MAP2K3: variants seen among roughly 807,000 people sequenced by gnomAD.
The protein encoded by MAP2K3 is dual specificity mitogen-activated protein kinase kinase 3.
MAP2K3 carries 30 observed loss-of-function variants against 46.4 expected under a neutral mutation model. The ratio of observed to expected loss-of-function variants is 0.65; its 90% CI spans 0.48 to 0.88. The LOEUF is 0.88. MAP2K3 is among the 40% of genes least tolerant of loss of function. MAP2K3 has a pLI of 0.00. For synonymous variants in MAP2K3, 189 were observed against 176.3 expected, an observed-to-expected ratio of 1.07 and a Z score of -0.57; for missense variants, 380 against 464.5, an observed-to-expected ratio of 0.82 and a Z score of 1.67.
intron 2 of MAP2K3, 98 bp from the exon 3 acceptor site, chr17:21,298,780 C>A: frequency 1.3e-6 from 2 of 1,578,526 alleles, no homozygotes; most frequent in Non-Finnish European, 1.7e-6. Context: ...CAGGAGGCAC[C>A]TCGTCCCCAC....
intron 6 of MAP2K3, among the ~76,000 whole-genome samples, 199 bp downstream of exon 6, chr17:21,302,458 C>CGCTCCTGGG (rs1976662067): frequency 6.6e-6 from 1 of 152,292 alleles, no homozygotes; most frequent in South Asian, 2.1e-4. Context: ...AGGAGACCTC[C>CGCTCCTGGG]GCTCCTGGGG....
intron 6 of MAP2K3, among the ~76,000 whole-genome samples, 174 bp downstream of exon 6, chr17:21,302,433 A>G (rs924962855): frequency 2.0e-5 from 3 of 152,310 alleles, no homozygotes; most frequent in Admixed American, 6.5e-5. Context: ...ACCCCAGACC[A>G]GAGCCTTTGT....
At chr17:21,303,075 G>C (rs1488147327) in intron 6 of MAP2K3, 108 bp from the exon 7 acceptor site, 5 of 1,439,422 alleles carry the variant, frequency 3.5e-6, no homozygotes, top group Non-Finnish European at 3.8e-6. Context: ...CTGTGCAGCG[G>C]GAGCGGGAGA....
Position 21,314,268 on chromosome 17 carries a change from C to T in MAP2K3, c.*38C>T, listed in dbSNP as rs1337788452. The T allele has an allele frequency of 6.4e-7, 1 of 1,552,002 alleles. No individual in the cohort carries two copies. The highest frequency in any genetic ancestry group is 2.2e-5 in the East Asian group (1 of 44,580). On this transcript the variant is annotated 3_prime_UTR_variant, in exon 12 of 12. Transcript: ENST00000342679. ...GGACCCCACTCCGGCCCTCCAGAGC[C>T]CCACAGCCCCATCTGCGGGGGCAGT... is the stretch of plus-strand genomic sequence containing the variant.
chr17:21,286,286 T>A (rs1466314), intron 1 of MAP2K3, among the ~76,000 whole-genome samples: 249 of 152,244 alleles, frequency 1.6e-3, no homozygotes, highest in African/African-American at 5.8e-3. Context: ...AAGTGCAGCC[T>A]CAGAGTGAGC....
intron 9 of MAP2K3, among the ~76,000 whole-genome samples, chr17:21,309,416 G>A (rs1269432462): frequency 7.7e-6 from 1 of 129,558 alleles, no homozygotes; most frequent in African/African-American, 2.9e-5. Context: ...TCTTTCACAA[G>A]TTACAAACGT....
intron 1 of MAP2K3, among the ~76,000 whole-genome samples, chr17:21,292,334 T>C (rs1273312874): frequency 2.0e-5 from 3 of 152,310 alleles, no homozygotes; most frequent in Admixed American, 2.0e-4. Flanking sequence ...GGCAGTCTCT[T>C]GTTTCTCCTC....
chr17:21,295,082 A>C (rs1475171952), intron 1 of MAP2K3, among the ~76,000 whole-genome samples: 1 of 152,310 alleles, frequency 6.6e-6, no homozygotes, highest in Non-Finnish European at 1.5e-5. Context: ...GTGAAAGGCA[A>C]GACGACGTAG....
At chr17:21,307,843 A>G (rs1976969922) in intron 9 of MAP2K3, among the ~76,000 whole-genome samples, 3 of 81,476 alleles carry the variant, frequency 3.7e-5, no homozygotes, top group African/African-American at 1.4e-4. Context: ...ATGCCCGGCT[A>G]TCTTTTTTTT....
Position 21,300,602 on chromosome 17 carries a change from T to C in MAP2K3, c.223T>C (p.Tyr75His). The change falls in exon 4 of 12, where the codon TAT (tyrosine) becomes CAT (histidine). Residue 75 changes from tyrosine to histidine, a missense_variant. Coordinates refer to ENST00000342679, the MANE Select transcript of MAP2K3 (RefSeq NM_145109.3). The part of the protein sequence containing the change: ...VTISELGRGA[Y>H]GVVEKVRHAQ... ...CATCTCAGAACTGGGCCGTGGAGCC[T>C]ATGGGGTGGTAGAGAAGGTGCGGCA... 6.2e-7 allele frequency: 1 copy of C among 1,613,162 alleles called. No homozygotes were observed. The highest frequency in any genetic ancestry group is 8.5e-7 in the Non-Finnish European group (1 of 1,179,628).
At position 21,298,751 on chromosome 17, in the gene MAP2K3, G is replaced by T. The variant is rs77850849; in HGVS notation, c.117-127G>T. On this transcript the variant is annotated intron_variant, in intron 2 of 11. Coordinates refer to ENST00000342679, the MANE Select transcript of MAP2K3 (RefSeq NM_145109.3). ...CAGCAGCCAGTGAGAGGAGGTGGCCGGAGAAGGCGCCTCCGGGGCAGGAGG... is the reference window on the plus strand; with the variant it reads ...CAGCAGCCAGTGAGAGGAGGTGGCCTGAGAAGGCGCCTCCGGGGCAGGAGG... The T allele has an allele frequency of 8.1e-6, 11 of 1,362,194 alleles. No homozygotes were observed. In the East Asian group the frequency reaches 9.7e-5, roughly 12 times the overall value. The allele number at this position is 1,362,194 out of a possible 1,614,324, so 84.4% of individuals were successfully genotyped here. A position where few individuals can be genotyped will look rare whatever the true frequency, so the allele number is the denominator to read the frequency against.
intron 1 of MAP2K3, chr17:21,291,569 C>A: frequency 6.6e-6 from 3 of 456,530 alleles, no homozygotes; most frequent in Non-Finnish European, 1.3e-5. Context: ...TCTTCTGATG[C>A]TCTGGGAGGG....
intron 1 of MAP2K3, among the ~76,000 whole-genome samples, chr17:21,292,089 C>T (rs905271386): frequency 2.0e-5 from 3 of 152,428 alleles, no homozygotes; most frequent in Admixed American, 6.5e-5. Context: ...TCACCTCAGG[C>T]GTGTCCTGGG....
At chr17:21,314,063 T>G in intron 11 of MAP2K3, 84 bp from the exon 12 acceptor site, 5 of 1,075,038 alleles carry the variant, frequency 4.7e-6, no homozygotes, top group Non-Finnish European at 7.2e-6. Flanking sequence ...AGGAGAACAC[T>G]TGGGCTGGAG....
intron 1 of MAP2K3, among the ~76,000 whole-genome samples, chr17:21,291,937 A>G (rs1458124525): frequency 6.6e-6 from 1 of 152,312 alleles, no homozygotes; most frequent in African/African-American, 2.4e-5. Context: ...AAAGGAGGAA[A>G]CCGAGGCTTG....
intron 7 of MAP2K3, among the ~76,000 whole-genome samples, chr17:21,303,451 G>C (rs1309564586): frequency 6.6e-6 from 1 of 152,312 alleles, no homozygotes; most frequent in Non-Finnish European, 1.5e-5. Flanking sequence ...CTTCTGTCCT[G>C]AGAAAGGTGG....
chr17:21,293,867 C>G lies in MAP2K3; in HGVS notation c.50-4546C>G, dbSNP rs958621613. Among the ~76,000 whole-genome samples the G allele has an allele frequency of 2.0e-5, 3 of 152,422 alleles. No individual in the cohort carries two copies. The South Asian group carries it at 6.2e-4, about 32-fold the overall frequency. ...TAGATGGGAGAACCTTCCCCTTGTC[C>G]TGCATCCTCTCCAGAGCCCAGGACA... On this transcript the variant is annotated intron_variant, in intron 1 of 11. Transcript: ENST00000342679.
rs55767533 is a variant in MAP2K3 at position 21,284,787 on chromosome 17, C to T, written c.-134C>T. 35,081 of 1,029,260 alleles carry T rather than the reference C, an allele frequency of 0.034. 734 individuals are homozygous for T. The highest frequency in any genetic ancestry group is 0.065 in the Middle Eastern group (211 of 3,246). The allele number at this position is 1,029,260 out of a possible 1,614,324, so 63.8% of individuals were successfully genotyped here. ...CCGCAGTCCTCGCCGCAGTCGCCGCCGCCGCCGCCGCCGCCGCCGCTGCTC... is the reference window on the plus strand; with the variant it reads ...CCGCAGTCCTCGCCGCAGTCGCCGCTGCCGCCGCCGCCGCCGCCGCTGCTC... On this transcript the variant is annotated 5_prime_UTR_variant, in exon 1 of 12. Coordinates refer to ENST00000342679, the MANE Select transcript of MAP2K3 (RefSeq NM_145109.3).
chr17:21,300,321 G>A, intron 3 of MAP2K3: 1 of 601,008 alleles, frequency 1.7e-6, no homozygotes, highest in Non-Finnish European at 3.0e-6. Flanking sequence ...CTCCATAGCA[G>A]CCTTGGGGTG....
Sources: allele counts gnomAD v4.1 joint callset (sites outside exome capture counted in the v4.1 genomes callset), GRCh38; gene constraint gnomAD v4.1.1; transcripts MANE v1.5; gene names NCBI Gene and HGNC (gene_info 2026-07-23, HGNC 2026-07-21).